EYA4: variants seen among roughly 807,000 people sequenced by gnomAD.
EYA4 encodes protein phosphatase EYA4.
A neutral mutation model predicts 87.9 loss-of-function variants in EYA4; 31 were observed. The ratio of observed to expected loss-of-function variants is 0.35; its 90% CI spans 0.27 to 0.48. The LOEUF (loss-of-function observed/expected upper bound fraction) is 0.48. EYA4 is among the 20% of genes least tolerant of loss of function. The pLI is 0.99. For missense variants in EYA4, 678 were observed against 761.4 expected (o/e 0.89, Z 1.29); for synonymous variants, 263 against 270.6 (o/e 0.97, Z 0.28).
rs574356848 is a variant in EYA4, at chr6:133,317,642, GTTA to G, written c.33+42833_33+42835del. Among the ~76,000 whole-genome samples, 1,038 of 152,180 alleles carry G rather than the reference GTTA, an allele frequency of 6.8e-3. 12 individuals carry two copies. Among genetic ancestry groups the G allele is most frequent in the African/African-American group, 0.024 (990 of 41,512 alleles). ...CATCTCAATGTTCTGGAGTAAAATT[GTTA>G]TTAAGTGTATGAAATAAAAAACAAG... On this transcript the variant is annotated intron_variant, in intron 2 of 19. Transcript: ENST00000355286.
chr6:133,391,487 C>T (rs1010611626), intron 3 of EYA4, among the ~76,000 whole-genome samples: 4 of 152,106 alleles, frequency 2.6e-5, no homozygotes, highest in African/African-American at 9.7e-5. Context: ...TCATCTCTGT[C>T]CCCTTTGCTT....
In EYA4 at chr6:133,364,893, C is replaced by T. The variant is rs577311667; in HGVS notation, c.34-17499C>T. Among the ~76,000 whole-genome samples the T allele has an allele frequency of 1.1e-4, 17 of 152,322 alleles. No homozygotes were observed. In the East Asian group the frequency reaches 3.3e-3, roughly 29 times the overall value. ...GGACACGTTAATAAGACAGTTGGGT[C>T]ATTAACTGCAACTGGCCCAGTTAGG... On this transcript the variant is annotated intron_variant, in intron 2 of 19. Coordinates refer to ENST00000355286, the MANE Select transcript of EYA4 (RefSeq NM_004100.5).
intron 1 of EYA4, among the ~76,000 whole-genome samples, chr6:133,258,450 T>A (rs1256584762): frequency 6.6e-6 from 1 of 152,206 alleles, no homozygotes; most frequent in East Asian, 1.9e-4. Context: ...TTTCTTTCCA[T>A]CAGCTTGCGG....
intron 2 of EYA4, among the ~76,000 whole-genome samples, chr6:133,291,556 G>A (rs1778490429): frequency 6.6e-6 from 1 of 152,118 alleles, no homozygotes; most frequent in Admixed American, 6.5e-5. Context: ...TGAAAAATAT[G>A]GAGTAGATGT....
chr6:133,344,586 T>G (rs1212408089), intron 2 of EYA4, among the ~76,000 whole-genome samples: 2 of 152,162 alleles, frequency 1.3e-5, no homozygotes, highest in African/African-American at 4.8e-5. Flanking sequence ...GGCAGAAAAC[T>G]ACCCTTAGAC....
intron 3 of EYA4, among the ~76,000 whole-genome samples, chr6:133,400,407 A>G (rs1387236310): frequency 6.6e-6 from 1 of 151,832 alleles, no homozygotes; most frequent in Non-Finnish European, 1.5e-5. Flanking sequence ...ACTCCGGAGG[A>G]TGAGGCAAGA....
At chr6:133,487,618 C>G (rs915130172) in intron 13 of EYA4, among the ~76,000 whole-genome samples, 1 of 152,194 alleles carries the variant, frequency 6.6e-6, no homozygotes, top group African/African-American at 2.4e-5. Flanking sequence ...CATTTCTACA[C>G]ACGCCCTGAA....
intron 3 of EYA4, among the ~76,000 whole-genome samples, chr6:133,437,874 G>C (rs1791852082): frequency 6.6e-6 from 1 of 152,168 alleles, no homozygotes; most frequent in Admixed American, 6.5e-5. Flanking sequence ...TCTCTCCCTT[G>C]ACATGTGGGG....
intron 2 of EYA4, among the ~76,000 whole-genome samples, chr6:133,378,926 G>GGTT (rs377618134): frequency 4.9e-5 from 7 of 141,726 alleles, no homozygotes; most frequent in African/African-American, 8.0e-5. Flanking sequence ...TTTCTGTCTT[G>GGTT]GTGTGTGTGT....
At chr6:133,528,622 C>G in intron 19 of EYA4, 103 bp from the exon 20 acceptor site, 2 of 877,904 alleles carry the variant, frequency 2.3e-6, no homozygotes, top group Admixed American at 3.4e-5. Flanking sequence ...GACCACACAT[C>G]CCTGTGTGTG....
chr6:133,341,410 G>A (rs560552545), intron 2 of EYA4, among the ~76,000 whole-genome samples: 4 of 152,192 alleles, frequency 2.6e-5, no homozygotes, highest in Admixed American at 1.3e-4. Flanking sequence ...TAGGTACGCA[G>A]GAATAAAGCA....
intron 11 of EYA4, among the ~76,000 whole-genome samples, chr6:133,481,237 T>C (rs768975452): frequency 3.3e-5 from 5 of 152,190 alleles, no homozygotes; most frequent in Admixed American, 6.5e-5. Flanking sequence ...GCGTATGGTG[T>C]AGAAAAGACA....
chr6:133,507,395 C>T (rs1412121150), intron 14 of EYA4: 6 of 150,888 alleles, frequency 4.0e-5, no homozygotes, highest in Admixed American at 1.3e-4. Flanking sequence ...TTTTTTAATG[C>T]TCTAAGTTCT....
At chr6:133,378,408 T>C (rs1785890613) in intron 2 of EYA4, among the ~76,000 whole-genome samples, 1 of 152,148 alleles carries the variant, frequency 6.6e-6, no homozygotes, top group Admixed American at 6.6e-5. Context: ...GAAAAGAATA[T>C]TTGCTTAATA....
chr6:133,264,764 C>T (rs1040945287), intron 1 of EYA4, among the ~76,000 whole-genome samples: 3 of 152,130 alleles, frequency 2.0e-5, no homozygotes, highest in African/African-American at 4.8e-5. Context: ...TGTGCCCCCT[C>T]CACTCCATGT....
At chr6:133,425,420 T>G (rs1790583193) in intron 3 of EYA4, among the ~76,000 whole-genome samples, 1 of 149,806 alleles carries the variant, frequency 6.7e-6, no homozygotes, top group Non-Finnish European at 1.5e-5. Context: ...ATCCATCTTC[T>G]ACCCAAAGGT....
intron 13 of EYA4, among the ~76,000 whole-genome samples, chr6:133,495,449 T>C (rs1797570198): frequency 6.7e-6 from 1 of 148,432 alleles, no homozygotes; most frequent in Admixed American, 6.7e-5. Flanking sequence ...TATAAAGAAA[T>C]ATATTCATTT....
chr6:133,341,661 A>T (rs111554114), intron 2 of EYA4, among the ~76,000 whole-genome samples: 1 of 75,852 alleles, frequency 1.3e-5, no homozygotes, highest in African/African-American at 3.5e-5. Flanking sequence ...TAGTTGCATT[A>T]AAAAAAAAAC....
intron 3 of EYA4, among the ~76,000 whole-genome samples, chr6:133,409,857 G>A (rs1305930144): frequency 6.6e-6 from 1 of 152,074 alleles, no homozygotes; most frequent in African/African-American, 2.4e-5. Context: ...AAAAAAGAAA[G>A]GTGACTGTGA....
Sources: allele counts gnomAD v4.1 joint callset (sites outside exome capture counted in the v4.1 genomes callset), GRCh38; gene constraint gnomAD v4.1.1; transcripts MANE v1.5; gene names NCBI Gene and HGNC (gene_info 2026-07-23, HGNC 2026-07-21).